The following DIDO1 variants were observed in gnomAD, a reference collection of about 807,000 sequenced individuals.
The protein encoded by DIDO1 is death inducer-obliterator 1.
Under a neutral mutation model 99.4 loss-of-function variants are expected in DIDO1, and 16 were observed. The observed-to-expected ratio is 0.16, with a 90% CI of 0.11 to 0.24. The LOEUF (loss-of-function observed/expected upper bound fraction) is 0.24, where lower values mean the gene tolerates loss of function less well. Among genes scored for constraint, DIDO1 ranks in the 10% least tolerant of loss-of-function variants. The pLI, the probability that DIDO1 is intolerant of heterozygous loss-of-function variation, is 1.00. For missense variants in DIDO1, 2,996 were observed against 3,014.0 expected (o/e 0.99, Z 0.14); for synonymous variants, 1,366 against 1,239.1 (o/e 1.10, Z -2.15).
rs534679593 is a variant in DIDO1, at chr20:62,906,907, G to GC, written c.1374+239dup. Among the ~76,000 whole-genome samples the GC allele has an allele frequency of 7.2e-5, 11 of 152,308 alleles. No individual in the cohort carries two copies. In the East Asian group the frequency reaches 1.3e-3, roughly 19 times the overall value. ...AGCAGGGTGTGTCCTGAAGTCTTAT[G>GC]CCCCCCGTACACTGCCATTGTCAGC... On this transcript the variant is annotated intron_variant, in intron 5 of 15. Coordinates refer to ENST00000395343, the MANE Select transcript of DIDO1 (RefSeq NM_001193369.2).
intron 1 of DIDO1, among the ~76,000 whole-genome samples, chr20:62,922,469 T>C (rs1286480667): frequency 6.6e-6 from 1 of 151,880 alleles, no homozygotes. Flanking sequence ...TGTCTATGAA[T>C]GCAGGGTTCA....
intron 15 of DIDO1, chr20:62,887,389 G>A: frequency 1.0e-6 from 1 of 985,422 alleles, no homozygotes; most frequent in Non-Finnish European, 1.2e-6. Flanking sequence ...AATTTAGAAA[G>A]CAATTAAAAG....
At chr20:62,908,887 A>C (rs930577242) in intron 4 of DIDO1, among the ~76,000 whole-genome samples, 2 of 152,224 alleles carry the variant, frequency 1.3e-5, no homozygotes, top group African/African-American at 4.8e-5. Context: ...TATATTTAAA[A>C]AATAAAGACA....
At position 62,889,955 on chromosome 20, in the gene DIDO1, C is replaced by T. The variant is rs1302939529; in HGVS notation, c.3541+1005G>A. The stretch of plus-strand genomic sequence containing the variant: ...TGTGAAGAATGGGCTCCAGTAGGAA[C>T]GTGGGCTGTGCCTGGGGCGACAGAA... On this transcript the variant is annotated intron_variant, in intron 15 of 15. Coordinates refer to ENST00000395343, the MANE Select transcript of DIDO1 (RefSeq NM_001193369.2). 5 of 985,336 alleles carry T rather than the reference C, an allele frequency of 5.1e-6. No individual in the cohort carries two copies. In the South Asian group the frequency reaches 1.4e-4, roughly 28 times the overall value. 61.0% of individuals were successfully genotyped at this position (985,336 alleles called of 1,614,324 possible). A position where few individuals can be genotyped will look rare whatever the true frequency, so the allele number is the denominator to read the frequency against.
chr20:62,932,980 A>G (rs966821121), intron 1 of DIDO1, among the ~76,000 whole-genome samples: 10 of 152,200 alleles, frequency 6.6e-5, no homozygotes, highest in African/African-American at 2.4e-4. Flanking sequence ...TGGGAGGCCC[A>G]GGCAGGTGGA....
chr20:62,924,191 A>T (rs1187850365), intron 1 of DIDO1, among the ~76,000 whole-genome samples: 1 of 152,232 alleles, frequency 6.6e-6, no homozygotes, highest in African/African-American at 2.4e-5. Flanking sequence ...CTTAGTATCC[A>T]CTGTAAGGGA....
In DIDO1 at chr20:62,894,939, G is replaced by A. The variant is rs771615305; in HGVS notation, c.2332-25C>T. On this transcript the variant is annotated intron_variant, in intron 9 of 15. Transcript: ENST00000395343. The surrounding 1 kb of genome is among the most constrained non-coding windows in gnomAD (Gnocchi z 4.4). ...CCTGAAATGAAAAAGACGAAACAGA[G>A]CTTAGGCCTTGTTTTCTAGGAGGAA... 13 of 1,607,366 alleles carry A rather than the reference G, an allele frequency of 8.1e-6. No individual in the cohort carries two copies. In the East Asian group the frequency reaches 2.7e-4, roughly 33 times the overall value.
In DIDO1 at chr20:62,894,730, C is replaced by T. The variant is rs1052067061; in HGVS notation, c.2436+80G>A. The stretch of plus-strand genomic sequence containing the variant: ...CACCTGCTGTAAGCTCAGGTCCTGC[C>T]CAATAATTTAAGATAACCTCAAAAC... On this transcript the variant is annotated intron_variant, in intron 10 of 15. Transcript: ENST00000395343. This position sits in a 1 kb window ranked among gnomAD's most constrained non-coding sequence, Gnocchi z 4.4. 7 of 1,489,402 alleles carry T rather than the reference C, an allele frequency of 4.7e-6. No individual in the cohort carries two copies. The highest frequency in any genetic ancestry group is 2.8e-5 in the African/African-American group (2 of 71,132). The allele number at this position is 1,489,402 out of a possible 1,614,324, so 92.3% of individuals were successfully genotyped here.
At position 62,881,552 on chromosome 20, in the gene DIDO1, C is replaced by A. The variant is rs776072192; in HGVS notation, c.4404G>T (p.Ala1468=). 8 of 1,611,772 alleles carry A rather than the reference C, an allele frequency of 5.0e-6. No individual in the cohort carries two copies. The highest frequency in any genetic ancestry group is 6.8e-6 in the Non-Finnish European group (8 of 1,180,028). The change falls in exon 16 of 16, where the codon GCG becomes GCT. Residue 1468 remains alanine, a synonymous_variant. Coordinates refer to ENST00000395343, the MANE Select transcript of DIDO1 (RefSeq NM_001193369.2). This position sits in a 1 kb window ranked among gnomAD's most constrained non-coding sequence, Gnocchi z 8.3. ...TCTGTTGCTCCACCAGGGAGGGCGT[C>A]GCAGCCCCGGCCACCGGCTCGGCAG... ...ERPAEPVAGA[A]TPSLVEQQKM...
intron 14 of DIDO1, among the ~76,000 whole-genome samples, chr20:62,891,746 CA>C (rs1211132844): frequency 2.0e-5 from 3 of 148,060 alleles, no homozygotes; most frequent in Non-Finnish European, 3.0e-5. Context: ...TTCACACAGT[CA>C]TACAACTATG....
chr20:62,936,061 T>C (rs1290143627), intron 1 of DIDO1, among the ~76,000 whole-genome samples: 3 of 152,196 alleles, frequency 2.0e-5, no homozygotes, highest in Non-Finnish European at 4.4e-5. Context: ...TTAAGGAATG[T>C]CGCCTTAAGG....
At chr20:62,923,070 C>G (rs1191765254) in intron 1 of DIDO1, among the ~76,000 whole-genome samples, 1 of 152,202 alleles carries the variant, frequency 6.6e-6, no homozygotes, top group Non-Finnish European at 1.5e-5. Context: ...AGCAGAACCA[C>G]GGCTCACTAC....
chr20:62,905,350 AT>A, intron 6 of DIDO1: 1 of 1,436,334 alleles, frequency 7.0e-7, no homozygotes, highest in Non-Finnish European at 9.1e-7. Context: ...AAAAAAAAAA[AT>A]CCCCTATCTG....
At chr20:62,930,507 G>A (rs570529519), upstream of DIDO1, among the ~76,000 whole-genome samples, 7 of 152,240 alleles carry the variant, frequency 4.6e-5, no homozygotes, top group Non-Finnish European at 7.3e-5. Context: ...CTAGAAAGCT[G>A]TGGGATGTGA....
intron 6 of DIDO1, 29 bp downstream of exon 6, chr20:62,905,858 C>T: frequency 6.2e-7 from 1 of 1,614,096 alleles, no homozygotes; most frequent in Non-Finnish European, 8.5e-7. Context: ...GGGAGGGGTC[C>T]AGGAGGCCAA....
chr20:62,881,887 G>A lies in DIDO1; in HGVS notation c.4069C>T (p.Pro1357Ser), dbSNP rs751784204. 6.2e-7 allele frequency: 1 copy of A among 1,613,500 alleles called. No individual in the cohort carries two copies. The highest frequency in any genetic ancestry group is 8.5e-7 in the Non-Finnish European group (1 of 1,180,036). The change falls in exon 16 of 16, where the codon CCT becomes TCT. Residue 1357 changes from proline (P) to serine (S), a missense_variant. This residue lies in a region of DIDO1 where 1,562 missense variants were observed against 1,412.6 expected (regional missense o/e 1.11). Transcript: ENST00000395343. This position sits in a 1 kb window ranked among gnomAD's most constrained non-coding sequence, Gnocchi z 8.3. Reference sequence around the variant, plus strand: ...TGGACGATCGGATCTAACAACGGAGGTGCCGGCACCCCGTCCTCTGCTGTG... The same window carrying A: ...TGGACGATCGGATCTAACAACGGAGATGCCGGCACCCCGTCCTCTGCTGTG... ...KTTAEDGVPA[P>S]PLLDPIVQQF...
chr20:62,884,622 C>T (rs1014824305), intron 15 of DIDO1, among the ~76,000 whole-genome samples: 4 of 152,206 alleles, frequency 2.6e-5, no homozygotes, highest in Admixed American at 6.5e-5. Context: ...CTAAATTCCA[C>T]TAAGGAACTG....
At chr20:62,903,101 T>C (rs1228465116) in intron 6 of DIDO1, among the ~76,000 whole-genome samples, 1 of 152,136 alleles carries the variant, frequency 6.6e-6, no homozygotes, top group Non-Finnish European at 1.5e-5. Context: ...ATCATGATCT[T>C]TGAGAGAAGT....
intron 1 of DIDO1, among the ~76,000 whole-genome samples, chr20:62,937,454 G>A (rs1027617138): frequency 6.6e-6 from 1 of 152,206 alleles, no homozygotes; most frequent in Non-Finnish European, 1.5e-5. Context: ...GGTCTCCTTT[G>A]TCCCGCGCGC....
Sources: gnomAD v4.1 joint callset for allele counts (sites outside exome capture counted in the v4.1 genomes callset) on GRCh38, gnomAD v4.1.1 for gene constraint, gnomAD v4.1.1 regional missense constraint, Gnocchi (gnomAD v3.1) non-coding constraint, MANE v1.5 for transcripts, NCBI Gene and HGNC (gene_info 2026-07-23, HGNC 2026-07-21) for gene names.